DTD1: variants seen among roughly 807,000 people sequenced by gnomAD.
The protein encoded by DTD1 is D-aminoacyl-tRNA deacylase 1.
Under a neutral mutation model 25.6 loss-of-function variants are expected in DTD1, and 13 were observed. The observed-to-expected ratio is 0.51, with a 90% CI of 0.33 to 0.81. DTD1 has a LOEUF of 0.81. Among genes scored for constraint, DTD1 ranks in the 30% least tolerant of loss-of-function variants. DTD1 has a pLI of 0.02. For missense variants in DTD1, 193 were observed against 266.4 expected (o/e 0.72, Z 1.92); for synonymous variants, 110 against 103.6 (o/e 1.06, Z -0.37).
intron 4 of DTD1, among the ~76,000 whole-genome samples, chr20:18,684,246 A>G (rs1450301513): frequency 6.6e-6 from 1 of 150,468 alleles, no homozygotes; most frequent in Non-Finnish European, 1.5e-5. Flanking sequence ...GGAGTTTCTC[A>G]CTTTCACACT....
chr20:18,591,724 AT>A (rs1347069888), intron 1 of DTD1, among the ~76,000 whole-genome samples: 3 of 152,172 alleles, frequency 2.0e-5, no homozygotes, highest in Non-Finnish European at 4.4e-5. Context: ...TTTGGGAAAA[AT>A]TTAGAAAGTA....
At chr20:18,634,383 C>T (rs2060799579) in intron 4 of DTD1, among the ~76,000 whole-genome samples, 1 of 152,142 alleles carries the variant, frequency 6.6e-6, no homozygotes, top group Admixed American at 6.5e-5. Flanking sequence ...ATAGTGTTGC[C>T]ATTAATTATT....
chr20:18,763,181 G>A (rs1308253541), intron 5 of DTD1, among the ~76,000 whole-genome samples, 179 bp from the exon 6 acceptor site: 1 of 152,166 alleles, frequency 6.6e-6, no homozygotes, highest in Admixed American at 6.5e-5. Context: ...AGGTATTTGG[G>A]TTTGTACATG....
intron 4 of DTD1, among the ~76,000 whole-genome samples, chr20:18,637,388 ATGT>A (rs1357652731): frequency 1.3e-5 from 2 of 152,190 alleles, no homozygotes; most frequent in Non-Finnish European, 2.9e-5. Context: ...ACAGCTCAAT[ATGT>A]TAGTGACTGA....
intron 5 of DTD1, among the ~76,000 whole-genome samples, chr20:18,748,157 A>G (rs1284371045): frequency 6.8e-6 from 1 of 147,108 alleles, no homozygotes; most frequent in African/African-American, 2.5e-5. Context: ...TTATCAAGCT[A>G]AACACACTGG....
chr20:18,649,326 C>CTTTCTTTT (rs1763580275), intron 4 of DTD1, among the ~76,000 whole-genome samples: 1 of 57,630 alleles, frequency 1.7e-5, no homozygotes, highest in African/African-American at 6.9e-5. Context: ...ATTCATCTTT[C>CTTTCTTTT]TTTTTTTTTT....
intron 4 of DTD1, among the ~76,000 whole-genome samples, chr20:18,677,669 A>T (rs1379456292): frequency 6.6e-6 from 1 of 152,164 alleles, no homozygotes; most frequent in Non-Finnish European, 1.5e-5. Flanking sequence ...GTTTTATTAA[A>T]TTCCCCCCAC....
At chr20:18,608,952 A>G (rs973097897) in intron 3 of DTD1, among the ~76,000 whole-genome samples, 2 of 152,142 alleles carry the variant, frequency 1.3e-5, no homozygotes, top group South Asian at 4.1e-4. Flanking sequence ...CTTTTCTTCA[A>G]GGTTACTGGA....
chr20:18,600,499 T>C (rs2060629460), intron 3 of DTD1, among the ~76,000 whole-genome samples: 1 of 152,220 alleles, frequency 6.6e-6, no homozygotes, highest in Non-Finnish European at 1.5e-5. Flanking sequence ...GTCTTATTTA[T>C]TGTAGCTTTA....
At chr20:18,654,274 G>A (rs113144080) in intron 4 of DTD1, among the ~76,000 whole-genome samples, 3,830 of 152,244 alleles carry the variant, frequency 0.025, 169 homozygotes, top group African/African-American at 0.088. Flanking sequence ...GTTTTATAAA[G>A]GGCAGTTCCC....
intron 4 of DTD1, among the ~76,000 whole-genome samples, chr20:18,704,849 G>A (rs1026264781): frequency 2.6e-5 from 4 of 152,132 alleles, no homozygotes; most frequent in African/African-American, 7.2e-5. Flanking sequence ...GCAGGGGAAG[G>A]AGATCAGGAA....
chr20:18,597,067 A>C (rs975612912), intron 3 of DTD1, among the ~76,000 whole-genome samples: 2 of 150,994 alleles, frequency 1.3e-5, no homozygotes, highest in Admixed American at 1.3e-4. Context: ...TTTTATTTTT[A>C]TGATTTTGTT....
At chr20:18,735,143 A>G (rs1304199924) in intron 4 of DTD1, among the ~76,000 whole-genome samples, 1 of 152,266 alleles carries the variant, frequency 6.6e-6, no homozygotes, top group East Asian at 1.9e-4. Flanking sequence ...CGTCTACATT[A>G]TGATCTATAA....
chr20:18,722,756 G>T (rs1359450407), intron 4 of DTD1, among the ~76,000 whole-genome samples: 1 of 152,170 alleles, frequency 6.6e-6, no homozygotes, highest in East Asian at 1.9e-4. Flanking sequence ...TGGTTTTAAG[G>T]AATGGGCTGT....
At chr20:18,704,915 A>G (rs1282236502) in intron 4 of DTD1, among the ~76,000 whole-genome samples, 2 of 152,158 alleles carry the variant, frequency 1.3e-5, no homozygotes, top group Admixed American at 6.5e-5. Context: ...CCAAGGGGAG[A>G]CTTGGGTCAC....
chr20:18,745,649 TG>T (rs1386974703), intron 5 of DTD1, among the ~76,000 whole-genome samples: 1 of 151,922 alleles, frequency 6.6e-6, no homozygotes, highest in Non-Finnish European at 1.5e-5. Flanking sequence ...ATCTGGAGGT[TG>T]GGGGGCAAGG....
chr20:18,593,697 C>G (rs1320556287), intron 1 of DTD1, 34 bp from the exon 2 acceptor site: 10 of 1,551,350 alleles, frequency 6.4e-6, no homozygotes, highest in Non-Finnish European at 8.9e-7. Context: ...TTGTTTGGTT[C>G]TGAGTTCTTC....
At chr20:18,731,234 A>G (rs780944913) in intron 4 of DTD1, among the ~76,000 whole-genome samples, 3 of 152,146 alleles carry the variant, frequency 2.0e-5, no homozygotes, top group African/African-American at 7.2e-5. Flanking sequence ...TACAGTTCCT[A>G]TCCTACAGAT....
intron 3 of DTD1, among the ~76,000 whole-genome samples, chr20:18,626,226 C>T (rs925602056): frequency 3.9e-5 from 6 of 152,106 alleles, no homozygotes; most frequent in Non-Finnish European, 4.4e-5. Context: ...CCTGTTGCAC[C>T]AGAACAAACT....
Sources: allele counts gnomAD v4.1 joint callset (sites outside exome capture counted in the v4.1 genomes callset), GRCh38; gene constraint gnomAD v4.1.1; transcripts MANE v1.5; gene names NCBI Gene and HGNC (gene_info 2026-07-23, HGNC 2026-07-21).